Variants in SZT2 observed in about 807,000 individuals in gnomAD.
SZT2 encodes SZT2 subunit of KICSTOR complex.
A neutral mutation model predicts 404.2 loss-of-function variants in SZT2; 216 were observed. The observed-to-expected ratio is 0.53, with a 90% CI of 0.48 to 0.60. The LOEUF (loss-of-function observed/expected upper bound fraction) is 0.60. SZT2 is among the 20% of genes least tolerant of loss of function. The pLI is 0.00. For synonymous variants in SZT2, 1,693 were observed against 1,749.9 expected (o/e 0.97, Z 0.81); for missense variants, 3,857 against 4,459.2 (o/e 0.86, Z 3.85).
At position 43,422,792 on chromosome 1, in the gene SZT2, C is replaced by G; in HGVS notation, c.1946C>G (p.Ser649Cys). ...AGTGCCCCAGACCAGCCCCCCAATT[C>G]CTTCTACATGGTCCGTATCATTTCC... The part of the protein sequence containing the change: ...LSSAPDQPPN[S>C]FYMVRIISKA... The change falls in exon 14 of 72, where the codon TCC (serine) becomes TGC (cysteine). Residue 649 changes from serine (S) to cysteine (C), a missense_variant. Physicochemically the swap from Ser to Cys is moderately radical, Grantham distance 112 (BLOSUM62 -1). Transcript: ENST00000634258. 6.3e-7 allele frequency: 1 copy of G among 1,591,754 alleles called. No homozygotes were observed. The highest frequency in any genetic ancestry group is 1.1e-5 in the South Asian group (1 of 89,460).
At position 43,447,630 on chromosome 1, in the gene SZT2, G is replaced by T; in HGVS notation, c.9372G>T (p.Lys3124Asn). 1 of 1,614,194 alleles carries T rather than the reference G, an allele frequency of 6.2e-7. No individual in the cohort carries two copies. Among genetic ancestry groups the T allele is most frequent in the Non-Finnish European group, 8.5e-7 (1 of 1,180,040 alleles). The change falls in exon 67 of 72, where the codon AAG becomes AAT. Residue 3124 changes from lysine (K) to asparagine (N), a missense_variant. By Grantham distance (94) the Lys-to-Asn change is moderately conservative. Transcript: ENST00000634258. The part of the protein sequence containing the change: ...VADHASSYHM[K>N]PLRMARPGGP... The stretch of plus-strand genomic sequence containing the variant: ...ATCACGCCAGCTCTTACCACATGAA[G>T]CCATTGCGAATGGCCCGGCCAGGGG...
At chr1:43,434,844 C>T (rs1654295635) in intron 41 of SZT2, among the ~76,000 whole-genome samples, 1 of 150,922 alleles carries the variant, frequency 6.6e-6, no homozygotes, top group African/African-American at 2.4e-5. Flanking sequence ...AATTACACAA[C>T]TTACTTCAAT....
In SZT2 at chr1:43,443,490, C is replaced by A; in HGVS notation, c.8625+13C>A. 6.2e-7 allele frequency: 1 copy of A among 1,614,074 alleles called. No homozygotes were observed. Among genetic ancestry groups the A allele is most frequent in the Middle Eastern group, 1.6e-4 (1 of 6,062 alleles). On this transcript the variant is annotated intron_variant, in intron 61 of 71. Transcript: ENST00000634258. ...CCCTGACGGGCAGGTAAGGCTGACTCCCAGACTTCTAGCAGACCTTTGCTT... is the reference window on the plus strand; with the variant it reads ...CCCTGACGGGCAGGTAAGGCTGACTACCAGACTTCTAGCAGACCTTTGCTT...
At position 43,445,966 on chromosome 1, in the gene SZT2, G is replaced by C. The variant is rs1355475975; in HGVS notation, c.8898G>C (p.Lys2966Asn). 6.2e-7 allele frequency: 1 copy of C among 1,614,000 alleles called. No homozygotes were observed. The highest frequency in any genetic ancestry group is 8.5e-7 in the Non-Finnish European group (1 of 1,180,020). Residue 2966 changes from lysine (K) to asparagine (N), a missense_variant, in exon 63 of 72, where the codon AAG (lysine) becomes AAC (asparagine). Physicochemically the swap from Lys to Asn is moderately conservative, Grantham distance 94 (BLOSUM62 0). Coordinates refer to ENST00000634258, the MANE Select transcript of SZT2 (RefSeq NM_001365999.1). ...GCTCCTTCTCCTGCCCTAAAACCAA[G>C]ACTGATGGGAGCCCCAAGGTAACTT... is the stretch of plus-strand genomic sequence containing the variant. The part of the protein sequence containing the change: ...GRGSFSCPKT[K>N]TDGSPKSTSS...
chr1:43,428,593 C>T (rs748553463), intron 28 of SZT2, 107 bp downstream of exon 28: 3 of 1,461,660 alleles, frequency 2.1e-6, no homozygotes, highest in Non-Finnish European at 2.7e-6. Context: ...TATCTAAGCA[C>T]CTGAGAAGCA....
chr1:43,430,867 G>T, intron 32 of SZT2, 78 bp downstream of exon 32: 4 of 1,582,408 alleles, frequency 2.5e-6, no homozygotes, highest in Non-Finnish European at 2.6e-6. Context: ...GGAGCCTAGG[G>T]TTATGTCTTT....
rs771456366 is a variant in SZT2, at chr1:43,439,482, G to A, written c.6877+40G>A. On this transcript the variant is annotated intron_variant, in intron 49 of 71. Coordinates refer to ENST00000634258, the MANE Select transcript of SZT2 (RefSeq NM_001365999.1). The surrounding 1 kb of genome is among the most constrained non-coding windows in gnomAD (Gnocchi z 4.2). ...ACGGGCCTGTGGCACCACCAGGTGA[G>A]GGAAAGCCTTTTGTCATCCTATTGC... 6.3e-7 allele frequency: 1 copy of A among 1,598,278 alleles called. No individual in the cohort carries two copies. Among genetic ancestry groups the A allele is most frequent in the Admixed American group, 1.7e-5 (1 of 58,718 alleles).
In SZT2 at chr1:43,447,707, G is replaced by C; in HGVS notation, c.9440+9G>C. On this transcript the variant is annotated intron_variant, in intron 67 of 71. Transcript: ENST00000634258. ...GTGTCGGCATGGCACAGGTAAGGCTGAGAGGGGCATCCAGCATGCACGCTG... is the reference window on the plus strand; with the variant it reads ...GTGTCGGCATGGCACAGGTAAGGCTCAGAGGGGCATCCAGCATGCACGCTG... The C allele has an allele frequency of 6.2e-7, 1 of 1,613,388 alleles. No individual in the cohort carries two copies.
At chr1:43,416,446 A>AGCC (rs1165023578) in intron 6 of SZT2, 89 bp from the exon 7 acceptor site, 3 of 1,031,000 alleles carry the variant, frequency 2.9e-6, no homozygotes, top group Non-Finnish European at 2.9e-6. Context: ...GAAGACACTG[A>AGCC]GCCGTTCAGG....
intron 62 of SZT2, among the ~76,000 whole-genome samples, chr1:43,444,195 C>T (rs535245370): frequency 1.3e-4 from 20 of 152,226 alleles, no homozygotes; most frequent in Non-Finnish European, 2.5e-4. Flanking sequence ...CTCCTGGGTT[C>T]GAGCAATTCT....
At position 43,426,156 on chromosome 1, in the gene SZT2, G is replaced by A; in HGVS notation, c.3043+5G>A. 1.2e-6 allele frequency: 2 copies of A among 1,613,636 alleles called. No homozygotes were observed. Among genetic ancestry groups the A allele is most frequent in the Non-Finnish European group, 1.7e-6 (2 of 1,179,636 alleles). ...TCTTCCTCTTGCTTGCCAGAGGTAG[G>A]TGAACCTGGTACCCTTTCACCCCAC... On this transcript the variant is annotated splice_donor_5th_base_variant and intron_variant, in intron 21 of 71. Transcript: ENST00000634258. This position sits in a 1 kb window ranked among gnomAD's most constrained non-coding sequence, Gnocchi z 4.9.
In SZT2 at chr1:43,453,798, G is replaced by T. The variant is rs1366213652; in HGVS notation, c.*3318G>T. ...GGAGAAGCGCAGCGGCGCCATGCCT[G>T]GGGAGGCCGGGCCGGGCGGAGTCCG... On this transcript the variant is annotated 3_prime_UTR_variant, in exon 72 of 72. Transcript: ENST00000634258. 1 of 1,265,036 alleles carries T rather than the reference G, an allele frequency of 7.9e-7. No individual in the cohort carries two copies. Among genetic ancestry groups the T allele is most frequent in the Non-Finnish European group, 9.9e-7 (1 of 1,007,934 alleles). 78.4% of individuals were successfully genotyped at this position (1,265,036 alleles called of 1,614,324 possible). A position where few individuals can be genotyped will look rare whatever the true frequency, so the allele number is the denominator to read the frequency against.
chr1:43,427,844 G>C, intron 26 of SZT2, 110 bp downstream of exon 26: 1 of 1,404,050 alleles, frequency 7.1e-7, no homozygotes, highest in African/African-American at 1.4e-5. Flanking sequence ...TATCCTGCTG[G>C]CTCCTTGCTT....
intron 4 of SZT2, among the ~76,000 whole-genome samples, chr1:43,408,485 C>T (rs767453154): frequency 6.6e-6 from 1 of 151,948 alleles, no homozygotes; most frequent in Non-Finnish European, 1.5e-5. Context: ...AGGCTGGTCT[C>T]AAACTCTTGA....
In SZT2 at chr1:43,443,636, G is replaced by T; in HGVS notation, c.8665G>T (p.Ala2889Ser). 6.2e-7 allele frequency: 1 copy of T among 1,614,200 alleles called. No homozygotes were observed. Among genetic ancestry groups the T allele is most frequent in the Non-Finnish European group, 8.5e-7 (1 of 1,180,040 alleles). The change falls in exon 62 of 72, where the codon GCC becomes TCC. Residue 2889 changes from alanine to serine, a missense_variant. Ala to Ser is a moderately conservative substitution (Grantham distance 99). Around this residue, in one of 7 missense-constraint regions of SZT2, gnomAD observed 717 missense variants for 868.2 expected, o/e 0.83. Coordinates refer to ENST00000634258, the MANE Select transcript of SZT2 (RefSeq NM_001365999.1). The part of the protein sequence containing the change: ...RPESGSGSRE[A>S]PTSCESLDVS... ...TGAGTCAGGGTCTGGGAGCCGAGAG[G>T]CCCCCACAAGCTGTGAATCCTTGGA...
At position 43,404,422 on chromosome 1, in the gene SZT2, G is replaced by T; in HGVS notation, c.370G>T (p.Ala124Ser). The T allele has an allele frequency of 6.2e-7, 1 of 1,613,898 alleles. No individual in the cohort carries two copies. Among genetic ancestry groups the T allele is most frequent in the Non-Finnish European group, 8.5e-7 (1 of 1,179,962 alleles). The change falls in exon 4 of 72, where the codon GCC becomes TCC. Residue 124 changes from alanine (A) to serine (S), a missense_variant. Coordinates refer to ENST00000634258, the MANE Select transcript of SZT2 (RefSeq NM_001365999.1). The stretch of plus-strand genomic sequence containing the variant: ...GATCTTGTTTGATGAAGTTTTCCAT[G>T]CCCTGTCCCGCTGCTTAGGCGGGCT... ...GEILFDEVFH[A>S]LSRCLGGLLR... is the part of the protein sequence containing the mutation.
chr1:43,408,127 T>G (rs1454001348), intron 4 of SZT2, among the ~76,000 whole-genome samples: 4 of 152,264 alleles, frequency 2.6e-5, no homozygotes, highest in Middle Eastern at 6.8e-3. Context: ...CCACCACTCC[T>G]GGCTTAAATT....
Position 43,451,604 on chromosome 1 carries a change from T to C in SZT2, c.*1124T>C, listed in dbSNP as rs768074153. The C allele has an allele frequency of 3.7e-6, 6 of 1,613,556 alleles. No homozygotes were observed. Among genetic ancestry groups the C allele is most frequent in the Admixed American group, 1.7e-5 (1 of 59,966 alleles). The stretch of plus-strand genomic sequence containing the variant: ...CTCCTGCCAGGGCCTGAAGGACAGA[T>C]GTGGGGATTGAAAGGGTGGGAGGGC... On this transcript the variant is annotated 3_prime_UTR_variant, in exon 72 of 72. Transcript: ENST00000634258.
chr1:43,450,715 C>A lies in SZT2; in HGVS notation c.*235C>A. The stretch of plus-strand genomic sequence containing the variant: ...CATCCAGGACTCCAGAGAGTCAGGT[C>A]AACCCCGAGGACCCCTTGGGCCCTT... On this transcript the variant is annotated 3_prime_UTR_variant, in exon 72 of 72. Transcript: ENST00000634258. The surrounding 1 kb of genome is among the most constrained non-coding windows in gnomAD (Gnocchi z 4.3). 1.4e-6 allele frequency: 1 copy of A among 714,824 alleles called. No homozygotes were observed. The highest frequency in any genetic ancestry group is 2.4e-6 in the Non-Finnish European group (1 of 411,606). 44.3% of individuals were successfully genotyped at this position (714,824 alleles called of 1,614,324 possible).
Sources: gnomAD v4.1 joint callset for allele counts (sites outside exome capture counted in the v4.1 genomes callset) on GRCh38, gnomAD v4.1.1 for gene constraint, gnomAD v4.1.1 regional missense constraint, Gnocchi (gnomAD v3.1) non-coding constraint, MANE v1.5 for transcripts, NCBI Gene and HGNC (gene_info 2026-07-23, HGNC 2026-07-21) for gene names.